Variants in HIGD1A observed in about 807,000 individuals in gnomAD.
HIGD1A encodes HIG1 domain family member 1A, mitochondrial.
A neutral mutation model predicts 11.3 loss-of-function variants in HIGD1A; 8 were observed. The observed-to-expected ratio is 0.71, with a 90% confidence interval of 0.42 to 1.28. The LOEUF is 1.28. Ranked by LOEUF, HIGD1A falls within the 50% of genes most tolerant of loss-of-function variation. The pLI, the probability that HIGD1A is intolerant of heterozygous loss-of-function variation, is 0.01. For missense variants in HIGD1A, 107 were observed against 118.8 expected (o/e 0.90, Z 0.46); for synonymous variants, 32 against 38.4 (o/e 0.83, Z 0.62).
At chr3:42,796,070 C>A (rs1417191815) in intron 1 of HIGD1A, among the ~76,000 whole-genome samples, 1 of 152,118 alleles carries the variant, frequency 6.6e-6, no homozygotes, top group African/African-American at 2.4e-5. Flanking sequence ...GATAAAAGTA[C>A]CTCTCATTCA....
intron 2 of HIGD1A, among the ~76,000 whole-genome samples, chr3:42,792,799 A>G (rs1338846158): frequency 6.6e-6 from 1 of 150,756 alleles, no homozygotes; most frequent in Non-Finnish European, 1.5e-5. Flanking sequence ...GGCCAACATG[A>G]TGAAACCCCC....
At chr3:42,802,881 TG>T (rs1400350234) in intron 1 of HIGD1A, among the ~76,000 whole-genome samples, 3 of 152,218 alleles carry the variant, frequency 2.0e-5, no homozygotes, top group African/African-American at 7.2e-5. Context: ...TAGATTAAAT[TG>T]GCAGATAAGA....
chr3:42,804,230 T>C (rs1378239798), intron 1 of HIGD1A: 6 of 1,607,366 alleles, frequency 3.7e-6, no homozygotes, highest in East Asian at 2.3e-5. Context: ...CGAAGGACCC[T>C]AGGCCTCGGC....
intron 1 of HIGD1A, among the ~76,000 whole-genome samples, chr3:42,802,211 T>C (rs374948083): frequency 2.6e-5 from 4 of 152,250 alleles, no homozygotes; most frequent in South Asian, 4.1e-4. Context: ...GTCTCTTTCC[T>C]GTATATAAAT....
At chr3:42,799,688 C>T (rs1176159942) in intron 1 of HIGD1A, among the ~76,000 whole-genome samples, 1 of 152,026 alleles carries the variant, frequency 6.6e-6, no homozygotes, top group Non-Finnish European at 1.5e-5. Flanking sequence ...ACTCCTGGCC[C>T]CAAGTGATTT....
chr3:42,783,338 G>T lies in HIGD1A; in HGVS notation c.*1933C>A, dbSNP rs1040847584. 6.6e-6 allele frequency among the ~76,000 whole-genome samples: 1 copy of T among 152,210 alleles called. No individual in the cohort carries two copies. Among genetic ancestry groups the T allele is most frequent in the Non-Finnish European group, 1.5e-5 (1 of 68,036 alleles). On this transcript the variant is annotated 3_prime_UTR_variant, in exon 4 of 4. Transcript: ENST00000321331. ...TAATCACATTTAACATACAAAAGTAGGTCAGGTGTGGTGGATTATGCTTGT... is the reference window on the plus strand; with the variant it reads ...TAATCACATTTAACATACAAAAGTATGTCAGGTGTGGTGGATTATGCTTGT...
chr3:42,796,416 C>T (rs1209201071), intron 1 of HIGD1A, among the ~76,000 whole-genome samples: 3 of 147,794 alleles, frequency 2.0e-5, no homozygotes, highest in African/African-American at 7.4e-5. Flanking sequence ...AGTAATTAAT[C>T]GTTCAAAAAT....
At chr3:42,792,012 T>C (rs1700426772) in intron 2 of HIGD1A, among the ~76,000 whole-genome samples, 1 of 152,118 alleles carries the variant, frequency 6.6e-6, no homozygotes, top group African/African-American at 2.4e-5. Context: ...AAAAAGATAA[T>C]GAACAAGGCT....
intron 2 of HIGD1A, among the ~76,000 whole-genome samples, chr3:42,786,889 G>A (rs963882869): frequency 6.6e-5 from 10 of 152,000 alleles, no homozygotes; most frequent in Admixed American, 6.6e-5. Flanking sequence ...GATCCTCTTC[G>A]CTCAGCCTCC....
At position 42,794,287 on chromosome 3, in the gene HIGD1A, T is replaced by C. The variant is rs757332929; in HGVS notation, c.-22-12A>G. On this transcript the variant is annotated splice_polypyrimidine_tract_variant and intron_variant, in intron 1 of 3. Coordinates refer to ENST00000321331, the MANE Select transcript of HIGD1A (RefSeq NM_014056.4). Reference sequence around the variant, plus strand: ...CTTGAAGAATCTCCCTGAGAAAGAATTTCTATGAGGTTCTGTAATTAAAAG... The same window carrying C: ...CTTGAAGAATCTCCCTGAGAAAGAACTTCTATGAGGTTCTGTAATTAAAAG... 2.4e-5 allele frequency: 37 copies of C among 1,557,992 alleles called. No homozygotes were observed. The South Asian group carries it at 4.2e-4, about 18-fold the overall frequency.
chr3:42,794,099 G>A (rs1700462969), intron 2 of HIGD1A, 58 bp downstream of exon 2: 8 of 1,521,484 alleles, frequency 5.3e-6, no homozygotes, highest in Non-Finnish European at 7.1e-6. Context: ...ATTGCTAAAT[G>A]AACAAATTAT....
intron 1 of HIGD1A, among the ~76,000 whole-genome samples, chr3:42,800,994 G>T (rs1700552063): frequency 6.6e-6 from 1 of 152,038 alleles, no homozygotes; most frequent in Non-Finnish European, 1.5e-5. Context: ...ATATTAAATC[G>T]TCCAAATTCT....
intron 1 of HIGD1A, 57 bp downstream of exon 1, chr3:42,804,379 C>T (rs752491010): frequency 5.2e-5 from 28 of 542,802 alleles, no homozygotes; most frequent in Middle Eastern, 7.0e-4. Flanking sequence ...TGCCCCACTT[C>T]TTCCCGCCCC....
intron 1 of HIGD1A, among the ~76,000 whole-genome samples, chr3:42,799,856 C>T (rs768290339): frequency 6.6e-6 from 1 of 152,160 alleles, no homozygotes; most frequent in Non-Finnish European, 1.5e-5. Flanking sequence ...AAGCCTAACA[C>T]AGACAAGGTC....
Position 42,792,615 on chromosome 3 carries a change from AG to A in HIGD1A, c.97+1541del, listed in dbSNP as rs550732347. On this transcript the variant is annotated intron_variant, in intron 2 of 3. Transcript: ENST00000321331. The stretch of plus-strand genomic sequence containing the variant: ...CGTGAACTCGGGAGGCGGAGCTTGC[AG>A]TGAGCCAAGATCCTGCCACTGCACT... Among the ~76,000 whole-genome samples, 987 of 150,898 alleles carry A rather than the reference AG, an allele frequency of 6.5e-3. 3 individuals are homozygous for A. Among genetic ancestry groups the A allele is most frequent in the Non-Finnish European group, 0.011 (757 of 67,814 alleles).
chr3:42,802,695 T>C (rs1361873509), intron 1 of HIGD1A, among the ~76,000 whole-genome samples: 1 of 152,142 alleles, frequency 6.6e-6, no homozygotes, highest in East Asian at 1.9e-4. Flanking sequence ...TCCAAGCCAA[T>C]AGCCTTATTT....
At chr3:42,793,544 C>T (rs1373785719) in intron 2 of HIGD1A, among the ~76,000 whole-genome samples, 1 of 152,212 alleles carries the variant, frequency 6.6e-6, no homozygotes, top group East Asian at 1.9e-4. Context: ...TGACTTTAAC[C>T]TATATCCCAT....
At chr3:42,804,181 T>C in intron 1 of HIGD1A, 1 of 1,611,198 alleles carries the variant, frequency 6.2e-7, no homozygotes, top group Non-Finnish European at 8.5e-7. Context: ...CTCCACAAGC[T>C]TCTGCTCCAT....
intron 1 of HIGD1A, 160 bp downstream of exon 1, chr3:42,804,276 G>T: frequency 7.0e-7 from 1 of 1,429,582 alleles, no homozygotes; most frequent in Non-Finnish European, 9.6e-7. Flanking sequence ...CTCGAGGCCG[G>T]GCCTGAGCCC....
Sources: gnomAD v4.1 joint callset for allele counts (sites outside exome capture counted in the v4.1 genomes callset) on GRCh38, gnomAD v4.1.1 for gene constraint, MANE v1.5 for transcripts, NCBI Gene and HGNC (gene_info 2026-07-23, HGNC 2026-07-21) for gene names.